FLRT1: variants seen among roughly 807,000 people sequenced by gnomAD.
The protein encoded by FLRT1 is leucine-rich repeat transmembrane protein FLRT1.
A neutral mutation model predicts 30.9 loss-of-function variants in FLRT1; 14 were observed. That is an observed-to-expected ratio of 0.45 (90% CI 0.30 to 0.71). The LOEUF is 0.71. Ranked by LOEUF, FLRT1 falls within the 30% of genes least tolerant of loss-of-function variation. The pLI is 0.08. For missense variants in FLRT1, 737 were observed against 949.2 expected (o/e 0.78, Z 2.94); for synonymous variants, 368 against 430.4 (o/e 0.85, Z 1.80).
At chr11:64,091,466 TG>T (rs1944489051) in intron 1 of FLRT1, among the ~76,000 whole-genome samples, 1 of 17,470 alleles carries the variant, frequency 5.7e-5, no homozygotes, top group South Asian at 1.7e-3. Context: ...GAGGTGGATG[TG>T]GGGGACGAGC....
chr11:64,098,070 G>A (rs1016867928), intron 1 of FLRT1, among the ~76,000 whole-genome samples: 11 of 152,128 alleles, frequency 7.2e-5, no homozygotes, highest in African/African-American at 2.2e-4. Context: ...TGTTCCTGAG[G>A]ACATGGTCCC....
chr11:64,093,642 G>A (rs1944528312), intron 1 of FLRT1, among the ~76,000 whole-genome samples: 1 of 152,246 alleles, frequency 6.6e-6, no homozygotes, highest in African/African-American at 2.4e-5. Context: ...GCTGAAGACA[G>A]GAGACTGCCC....
At chr11:64,070,125 C>T (rs996076093) in intron 1 of FLRT1, among the ~76,000 whole-genome samples, 2 of 152,172 alleles carry the variant, frequency 1.3e-5, no homozygotes, top group Admixed American at 6.5e-5. Context: ...ATACCCCTTA[C>T]ATAGATGTGG....
intron 1 of FLRT1, among the ~76,000 whole-genome samples, chr11:64,056,586 G>T (rs1943790583): frequency 6.6e-6 from 1 of 152,202 alleles, no homozygotes; most frequent in African/African-American, 2.4e-5. Context: ...CTGCGGCCAG[G>T]GTGGCCAGCC....
chr11:64,077,272 G>A (rs1234444068), intron 1 of FLRT1, among the ~76,000 whole-genome samples: 1 of 152,180 alleles, frequency 6.6e-6, no homozygotes, highest in African/African-American at 2.4e-5. Flanking sequence ...GGTACCCCAG[G>A]CGGCCAGCTG....
intron 1 of FLRT1, among the ~76,000 whole-genome samples, chr11:64,086,217 C>G (rs1346756686): frequency 6.6e-6 from 1 of 152,168 alleles, no homozygotes; most frequent in African/African-American, 2.4e-5. Context: ...GGGCTTAGCT[C>G]AGAGCCCACC....
At chr11:64,098,786 G>C (rs140810122) in intron 1 of FLRT1, among the ~76,000 whole-genome samples, 5 of 152,286 alleles carry the variant, frequency 3.3e-5, no homozygotes, top group Non-Finnish European at 7.3e-5. Flanking sequence ...TCTTCCCAGG[G>C]AGGGGGCAGG....
intron 1 of FLRT1, among the ~76,000 whole-genome samples, chr11:64,097,389 A>C (rs1944595889): frequency 6.6e-6 from 1 of 152,242 alleles, no homozygotes; most frequent in African/African-American, 2.4e-5. Context: ...AAAATAAAGA[A>C]GGGGAGATGT....
At chr11:64,070,328 C>T (rs935422516) in intron 1 of FLRT1, among the ~76,000 whole-genome samples, 2 of 152,050 alleles carry the variant, frequency 1.3e-5, no homozygotes, top group African/African-American at 4.8e-5. Flanking sequence ...CTGGGGGCCT[C>T]GGAGCTGTGA....
chr11:64,114,490 T>C (rs1944936156), intron 2 of FLRT1, among the ~76,000 whole-genome samples: 1 of 150,092 alleles, frequency 6.7e-6, no homozygotes, highest in Admixed American at 6.6e-5. Flanking sequence ...GATGGTTGAA[T>C]GGATGGATGG....
intron 1 of FLRT1, among the ~76,000 whole-genome samples, chr11:64,046,552 G>A (rs909880017): frequency 5.3e-5 from 8 of 152,156 alleles, no homozygotes; most frequent in African/African-American, 1.4e-4. Flanking sequence ...TGATTGGCCC[G>A]TTCTTTTTTT....
chr11:64,078,478 A>C (rs549111935), intron 1 of FLRT1, among the ~76,000 whole-genome samples: 1 of 152,202 alleles, frequency 6.6e-6, no homozygotes, highest in African/African-American at 2.4e-5. Flanking sequence ...CACTTAGGCT[A>C]ATCTGGTTAT....
At position 64,118,139 on chromosome 11, in the gene FLRT1, C is replaced by CA; in HGVS notation, c.1874dup (p.Asn625LysfsTer89). 1 of 1,613,718 alleles carries CA rather than the reference C, an allele frequency of 6.2e-7. No individual in the cohort carries two copies. The highest frequency in any genetic ancestry group is 8.5e-7 in the Non-Finnish European group (1 of 1,179,858). On this transcript the variant is annotated frameshift_variant, in exon 3 of 3. Coordinates refer to ENST00000682287, the MANE Select transcript of FLRT1 (RefSeq NM_013280.5). LOFTEE classifies it high-confidence loss of function. ...GCCCTGGGCTGCAGATGCTGCCCAT[C>CA]AACCCGTACCGCGCCAAAGAAGAGT...
At position 64,117,237 on chromosome 11, in the gene FLRT1, C is replaced by T. The variant is rs1394821895; in HGVS notation, c.970C>T (p.Leu324=). 4.3e-6 allele frequency: 7 copies of T among 1,614,078 alleles called. No individual in the cohort carries two copies. In the East Asian group the frequency reaches 8.9e-5, roughly 21 times the overall value. ...FDDLGNLAQL[L]LRNNPWFCGC... ...CGACCTGGGGAACCTGGCCCAGCTG[C>T]TGCTCAGGAACAACCCTTGGTTTTG... The change falls in exon 3 of 3, where the codon CTG becomes TTG. Residue 324 remains leucine (L), a synonymous_variant. Transcript: ENST00000682287.
At chr11:64,062,324 TC>T (rs1220690457) in intron 1 of FLRT1, among the ~76,000 whole-genome samples, 1 of 152,168 alleles carries the variant, frequency 6.6e-6, no homozygotes, top group African/African-American at 2.4e-5. Flanking sequence ...CCTGGGTGTC[TC>T]CCAGAGGGAG....
chr11:64,075,817 C>T (rs1052696203), intron 1 of FLRT1, among the ~76,000 whole-genome samples: 1 of 152,258 alleles, frequency 6.6e-6, no homozygotes, highest in Non-Finnish European at 1.5e-5. Flanking sequence ...GAGTTATAGA[C>T]TTGAGCCACC....
chr11:64,088,383 C>A (rs950049919), intron 1 of FLRT1, among the ~76,000 whole-genome samples: 2 of 152,178 alleles, frequency 1.3e-5, no homozygotes, highest in African/African-American at 2.4e-5. Context: ...TGTCTGCGGG[C>A]CTCGGGGTCC....
chr11:64,104,933 G>C (rs1944732742), intron 2 of FLRT1, among the ~76,000 whole-genome samples: 1 of 152,164 alleles, frequency 6.6e-6, no homozygotes, highest in African/African-American at 2.4e-5. Flanking sequence ...GCAACCTCAA[G>C]CCTCTGTGCC....
In FLRT1 at chr11:64,104,121, G is replaced by C. The variant is rs1170941566; in HGVS notation, c.-110G>C. On this transcript the variant is annotated 5_prime_UTR_variant, in exon 2 of 3. Coordinates refer to ENST00000682287, the MANE Select transcript of FLRT1 (RefSeq NM_013280.5). ...GTCGCGGCTTCGTGACTTTGGCAGG[G>C]GCCTCCGGACCAGTGACCCCAGTCA... is the stretch of plus-strand genomic sequence containing the variant. The C allele has an allele frequency of 6.6e-6, 1 of 152,298 alleles. No homozygotes were observed. The highest frequency in any genetic ancestry group is 1.5e-5 in the Non-Finnish European group (1 of 68,050). 9.4% of individuals were successfully genotyped at this position (152,298 alleles called of 1,614,324 possible). A position where few individuals can be genotyped will look rare whatever the true frequency, so the allele number is the denominator to read the frequency against.
Sources: gnomAD v4.1 joint callset for allele counts (sites outside exome capture counted in the v4.1 genomes callset) on GRCh38, gnomAD v4.1.1 for gene constraint, MANE v1.5 for transcripts, NCBI Gene and HGNC (gene_info 2026-07-23, HGNC 2026-07-21) for gene names.